ITGB3BP: variants seen among roughly 807,000 people sequenced by gnomAD.
ITGB3BP encodes centromere protein R.
A neutral mutation model predicts 29.1 loss-of-function variants in ITGB3BP; 27 were observed. The ratio of observed to expected loss-of-function variants is 0.93; its 90% CI spans 0.68 to 1.28. The LOEUF (loss-of-function observed/expected upper bound fraction) is 1.28, where lower values mean the gene tolerates loss of function less well. ITGB3BP is among the 50% of genes most tolerant of loss of function. The pLI, the probability that ITGB3BP is intolerant of heterozygous loss-of-function variation, is 0.00. For missense variants in ITGB3BP, 192 were observed against 200.2 expected (o/e 0.96, Z 0.25); for synonymous variants, 61 against 61.4 (o/e 0.99, Z 0.03).
At chr1:63,513,441 T>C (rs1212748914) in intron 1 of ITGB3BP, among the ~76,000 whole-genome samples, 1 of 152,094 alleles carries the variant, frequency 6.6e-6, no homozygotes, top group Non-Finnish European at 1.5e-5. Context: ...TTCCTACCTT[T>C]CCAGCATACA....
Position 63,451,569 on chromosome 1 carries a change from C to T in ITGB3BP, c.484+2349G>A, listed in dbSNP as rs751533754. 3.6e-4 allele frequency among the ~76,000 whole-genome samples: 54 copies of T among 151,646 alleles called. 1 individual carries two copies. Among genetic ancestry groups the T allele is most frequent in the Non-Finnish European group, 8.8e-5 (6 of 67,814 alleles). On this transcript the variant is annotated intron_variant, in intron 7 of 8. Transcript: ENST00000271002. ...AAGGGTAAAAGTTGTTAGCTTAGTACAAAAAATTTGCATGTGTGTGCACAT... is the reference window on the plus strand; with the variant it reads ...AAGGGTAAAAGTTGTTAGCTTAGTATAAAAAATTTGCATGTGTGTGCACAT...
intron 3 of ITGB3BP, among the ~76,000 whole-genome samples, chr1:63,479,287 G>A (rs1412827226): frequency 6.6e-6 from 1 of 151,896 alleles, no homozygotes. Flanking sequence ...TAATATCATT[G>A]TAAAATAAAT....
chr1:63,503,755 T>C (rs187371854), intron 2 of ITGB3BP, among the ~76,000 whole-genome samples: 1,653 of 152,284 alleles, frequency 0.011, 26 homozygotes, highest in African/African-American at 0.038. Context: ...CCCAGCACCA[T>C]TTATTAAATA....
At chr1:63,461,178 C>T (rs775179242) in intron 4 of ITGB3BP, among the ~76,000 whole-genome samples, 12 of 146,600 alleles carry the variant, frequency 8.2e-5, no homozygotes, top group African/African-American at 2.8e-4. Context: ...GGCGTGAACC[C>T]GGGAGGCGGA....
chr1:63,472,710 CG>C (rs944628837), intron 4 of ITGB3BP, among the ~76,000 whole-genome samples: 1 of 151,386 alleles, frequency 6.6e-6, no homozygotes, highest in African/African-American at 2.4e-5. Flanking sequence ...CTCCTAACCG[CG>C]AGTGATCCGC....
chr1:63,470,465 T>A (rs1238215316), intron 4 of ITGB3BP, among the ~76,000 whole-genome samples: 1 of 152,232 alleles, frequency 6.6e-6, no homozygotes, highest in Non-Finnish European at 1.5e-5. Flanking sequence ...CTACTAACTT[T>A]TAGCAGTATT....
chr1:63,505,252 G>C (rs1198676336), intron 2 of ITGB3BP, among the ~76,000 whole-genome samples: 2 of 152,138 alleles, frequency 1.3e-5, no homozygotes, highest in Non-Finnish European at 2.9e-5. Flanking sequence ...GGGTGTATGT[G>C]TCGAGGAATT....
At chr1:63,525,482 G>T, upstream of ITGB3BP, 3 of 1,071,836 alleles carry the variant, frequency 2.8e-6, no homozygotes, top group Non-Finnish European at 3.8e-6. Context: ...ATAAAATCTT[G>T]ATTCTCCTCC....
At chr1:63,525,488 C>A, upstream of ITGB3BP, 2 of 1,112,396 alleles carry the variant, frequency 1.8e-6, no homozygotes, top group Non-Finnish European at 2.5e-6. Context: ...TCTTGATTCT[C>A]CTCCCTGTAT....
At chr1:63,470,406 C>A (rs538279844) in intron 4 of ITGB3BP, among the ~76,000 whole-genome samples, 72 of 152,230 alleles carry the variant, frequency 4.7e-4, no homozygotes, top group African/African-American at 1.7e-3. Flanking sequence ...GCAGTTAGTA[C>A]CCAGATCACG....
At chr1:63,524,780 C>T (rs1211878311), upstream of ITGB3BP, among the ~76,000 whole-genome samples, 1 of 152,012 alleles carries the variant, frequency 6.6e-6, no homozygotes, top group African/African-American at 2.4e-5. Flanking sequence ...GACATTGCTA[C>T]CCCTCAATTT....
chr1:63,479,319 C>T (rs1405912858), intron 3 of ITGB3BP, among the ~76,000 whole-genome samples: 2 of 151,832 alleles, frequency 1.3e-5, no homozygotes, highest in Non-Finnish European at 2.9e-5. Flanking sequence ...GGTAAAAGTA[C>T]CTTTTAATTT....
At position 63,448,191 on chromosome 1, in the gene ITGB3BP, A is replaced by AG. The variant is rs1226148959; in HGVS notation, c.485-1336dup. Reference sequence around the variant, plus strand: ...CTGGGGACTGTTGTGGGGTGGGGGGAGGGGGGAGGGATAGCATTAGGAGAT... The same window carrying AG: ...CTGGGGACTGTTGTGGGGTGGGGGGAGGGGGGGAGGGATAGCATTAGGAGAT... On this transcript the variant is annotated intron_variant, in intron 7 of 8. Coordinates refer to ENST00000271002, the MANE Select transcript of ITGB3BP (RefSeq NM_014288.5). 1.9e-4 allele frequency among the ~76,000 whole-genome samples: 11 copies of AG among 57,186 alleles called. No individual in the cohort carries two copies. In the East Asian group the frequency reaches 4.3e-3, roughly 22 times the overall value. The allele number at this position is 57,186 out of a possible 152,430, so 37.5% of individuals were successfully genotyped here. A position where few individuals can be genotyped will look rare whatever the true frequency, so the allele number is the denominator to read the frequency against.
chr1:63,485,602 T>A (rs961127123), intron 3 of ITGB3BP, among the ~76,000 whole-genome samples: 7 of 152,134 alleles, frequency 4.6e-5, no homozygotes, highest in African/African-American at 1.7e-4. Context: ...CACTCCTTTA[T>A]CTGAGGTTCA....
intron 3 of ITGB3BP, among the ~76,000 whole-genome samples, chr1:63,485,305 TGATA>T (rs1192794814): frequency 1.3e-5 from 2 of 152,088 alleles, no homozygotes; most frequent in African/African-American, 4.8e-5. Flanking sequence ...AGAAGTCAAC[TGATA>T]GATATCTTGT....
chr1:63,489,330 T>TA (rs1645595957), intron 3 of ITGB3BP, among the ~76,000 whole-genome samples: 1 of 151,342 alleles, frequency 6.6e-6, no homozygotes, highest in African/African-American at 2.4e-5. Flanking sequence ...ACAGTATATC[T>TA]AAAGGATACA....
intron 3 of ITGB3BP, among the ~76,000 whole-genome samples, chr1:63,488,392 A>T (rs570642328): frequency 6.6e-6 from 1 of 152,052 alleles, no homozygotes; most frequent in Non-Finnish European, 1.5e-5. Context: ...GGATCTTATC[A>T]TAAGTGTGAT....
At chr1:63,483,019 A>G (rs1557632423) in intron 3 of ITGB3BP, among the ~76,000 whole-genome samples, 1 of 152,204 alleles carries the variant, frequency 6.6e-6, no homozygotes, top group Non-Finnish European at 1.5e-5. Context: ...AAATATAATA[A>G]TATTCTTAAA....
At chr1:63,500,431 G>A (rs1223712101) in intron 2 of ITGB3BP, among the ~76,000 whole-genome samples, 1 of 151,922 alleles carries the variant, frequency 6.6e-6, no homozygotes, top group Non-Finnish European at 1.5e-5. Flanking sequence ...AATGGGTTCA[G>A]CAAAGCTGCA....
Sources: gnomAD v4.1 joint callset for allele counts (sites outside exome capture counted in the v4.1 genomes callset) on GRCh38, gnomAD v4.1.1 for gene constraint, MANE v1.5 for transcripts, NCBI Gene and HGNC (gene_info 2026-07-23, HGNC 2026-07-21) for gene names.